Variants in CREB5 observed in about 807,000 individuals in gnomAD.
CREB5 encodes the protein cyclic AMP-responsive element-binding protein 5.
CREB5 carries 19 observed loss-of-function variants against 57.1 expected under a neutral mutation model. The ratio of observed to expected loss-of-function variants is 0.33; its 90% CI spans 0.23 to 0.49. The LOEUF (loss-of-function observed/expected upper bound fraction) is 0.49, where lower values mean the gene tolerates loss of function less well. Among genes scored for constraint, CREB5 ranks in the 20% least tolerant of loss-of-function variants. The pLI is 0.99. For missense variants in CREB5, 579 were observed against 671.6 expected, an observed-to-expected ratio of 0.86 and a Z score of 1.52; for synonymous variants, 238 against 238.3, an observed-to-expected ratio of 1.00 and a Z score of 0.01.
intron 5 of CREB5, chr7:28,686,050 T>G (rs1800880802): frequency 7.1e-7 from 1 of 1,401,908 alleles, no homozygotes; most frequent in African/African-American, 1.4e-5. Context: ...GGCCAGCACA[T>G]TACATCATCG....
chr7:28,574,852 A>G (rs1795844221), intron 5 of CREB5, among the ~76,000 whole-genome samples: 1 of 152,222 alleles, frequency 6.6e-6, no homozygotes, highest in South Asian at 2.1e-4. Flanking sequence ...CCCTGATTTT[A>G]CACCAATTTT....
At chr7:28,351,057 T>C (rs1040511698) in intron 1 of CREB5, among the ~76,000 whole-genome samples, 9 of 152,194 alleles carry the variant, frequency 5.9e-5, no homozygotes, top group South Asian at 4.1e-4. Context: ...TATGTAATGA[T>C]AGAAGTAAAT....
At chr7:28,690,493 C>A (rs1355420200) in intron 5 of CREB5, among the ~76,000 whole-genome samples, 1 of 152,202 alleles carries the variant, frequency 6.6e-6, no homozygotes, top group East Asian at 1.9e-4. Context: ...CTGAAAAGAG[C>A]ATGGCCTTTG....
chr7:28,390,332 ATTCTT>A (rs932264141), intron 1 of CREB5, among the ~76,000 whole-genome samples: 10 of 152,286 alleles, frequency 6.6e-5, no homozygotes, highest in African/African-American at 2.2e-4. Flanking sequence ...AAGGCACACA[ATTCTT>A]TACTGCACTA....
intron 1 of CREB5, among the ~76,000 whole-genome samples, chr7:28,373,676 T>C (rs1268954977): frequency 6.6e-6 from 1 of 151,952 alleles, no homozygotes; most frequent in Non-Finnish European, 1.5e-5. Context: ...TCCACCTGCC[T>C]TGGCCTCCCA....
At chr7:28,801,184 G>A (rs1808342231) in intron 7 of CREB5, among the ~76,000 whole-genome samples, 1 of 152,226 alleles carries the variant, frequency 6.6e-6, no homozygotes, top group African/African-American at 2.4e-5. Flanking sequence ...CAAAGCAAAT[G>A]TCTGAGGATA....
chr7:28,394,070 CAAAAAAAAAAAAAAAA>C lies in CREB5; in HGVS notation c.-25+94650_-25+94665del, dbSNP rs56166148. Among the ~76,000 whole-genome samples, 320 of 53,000 alleles carry C rather than the reference CAAAAAAAAAAAAAAAA, an allele frequency of 6.0e-3. 2 individuals are homozygous for C. Among genetic ancestry groups the C allele is most frequent in the Middle Eastern group, 0.012 (1 of 82 alleles). The allele number at this position is 53,000 out of a possible 152,430, so 34.8% of individuals were successfully genotyped here. A position where few individuals can be genotyped will look rare whatever the true frequency, so the allele number is the denominator to read the frequency against. On this transcript the variant is annotated intron_variant, in intron 1 of 9. Transcript: ENST00000396299. Reference sequence around the variant, plus strand: ...TGGGGGATGGAGCAAGACTCTGTCTCAAAAAAAAAAAAAAAAAAAAAAAAAAAAAAAAAAAAGTGGA... The same window carrying C: ...TGGGGGATGGAGCAAGACTCTGTCTCAAAAAAAAAAAAAAAAAAAAGTGGA...
intron 4 of CREB5, among the ~76,000 whole-genome samples, chr7:28,556,507 G>T (rs1016771981): frequency 6.6e-6 from 1 of 152,106 alleles, no homozygotes; most frequent in Non-Finnish European, 1.5e-5. Context: ...TCAATGCAAA[G>T]CCAGTTTATT....
At chr7:28,320,360 C>T (rs746897615) in intron 1 of CREB5, among the ~76,000 whole-genome samples, 32 of 152,050 alleles carry the variant, frequency 2.1e-4, no homozygotes, top group Non-Finnish European at 3.8e-4. Context: ...ATCTAGGGGC[C>T]GTTCAATGCC....
chr7:28,727,626 GT>G (rs1308196571), intron 7 of CREB5, among the ~76,000 whole-genome samples: 2 of 152,162 alleles, frequency 1.3e-5, no homozygotes, highest in Admixed American at 1.3e-4. Context: ...TTTGAAAGAG[GT>G]TTTTGTTTTT....
intron 7 of CREB5, among the ~76,000 whole-genome samples, chr7:28,737,685 G>A (rs892019301): frequency 6.6e-6 from 1 of 150,902 alleles, no homozygotes; most frequent in Non-Finnish European, 1.5e-5. Flanking sequence ...TCTCAGGAAG[G>A]AGAAAACTGA....
chr7:28,418,083 G>A (rs1788094290), intron 1 of CREB5, among the ~76,000 whole-genome samples: 1 of 152,082 alleles, frequency 6.6e-6, no homozygotes, highest in South Asian at 2.1e-4. Flanking sequence ...TAGTTGTTTG[G>A]GGAGGGAAAT....
chr7:28,822,306 G>C lies in CREB5; in HGVS notation c.*3027G>C, dbSNP rs1490965185. 1 of 152,294 alleles carries C rather than the reference G, an allele frequency of 6.6e-6. No homozygotes were observed. The highest frequency in any genetic ancestry group is 1.5e-5 in the Non-Finnish European group (1 of 68,034). 9.4% of individuals were successfully genotyped at this position (152,294 alleles called of 1,614,324 possible). ...GATACATTGGTCAAATCCAACACTTGGCTTATCAATATTAAGTCTTTTACC... is the reference window on the plus strand; with the variant it reads ...GATACATTGGTCAAATCCAACACTTCGCTTATCAATATTAAGTCTTTTACC... On this transcript the variant is annotated 3_prime_UTR_variant, in exon 11 of 11. Coordinates refer to ENST00000357727, the MANE Select transcript of CREB5 (RefSeq NM_182898.4).
At chr7:28,789,431 G>T (rs1807533962) in intron 7 of CREB5, among the ~76,000 whole-genome samples, 1 of 152,100 alleles carries the variant, frequency 6.6e-6, no homozygotes, top group African/African-American at 2.4e-5. Context: ...CATCCTCACT[G>T]GGGATGTCTT....
intron 5 of CREB5, among the ~76,000 whole-genome samples, chr7:28,625,444 C>CA (rs1253512365): frequency 2.6e-4 from 39 of 151,464 alleles, no homozygotes; most frequent in Admixed American, 1.8e-3. Context: ...GAAGGAACTC[C>CA]AAAAAAAAGG....
At chr7:28,317,269 G>A (rs1442417769) in intron 1 of CREB5, among the ~76,000 whole-genome samples, 1 of 152,176 alleles carries the variant, frequency 6.6e-6, no homozygotes, top group East Asian at 1.9e-4. Flanking sequence ...CTCTTCATCA[G>A]TGTGAAACCA....
intron 1 of CREB5, among the ~76,000 whole-genome samples, chr7:28,454,912 G>C (rs1026167497): frequency 7.9e-5 from 12 of 152,158 alleles, no homozygotes; most frequent in African/African-American, 2.2e-4. Flanking sequence ...GGATGCTGAA[G>C]TTGTGATTTT....
chr7:28,476,638 A>G (rs1228886638), intron 1 of CREB5, among the ~76,000 whole-genome samples: 1 of 152,226 alleles, frequency 6.6e-6, no homozygotes, highest in Non-Finnish European at 1.5e-5. Context: ...ACTAATCACG[A>G]TATTAGGTTT....
intron 5 of CREB5, among the ~76,000 whole-genome samples, chr7:28,654,998 C>T (rs1042615805): frequency 6.6e-6 from 1 of 152,086 alleles, no homozygotes; most frequent in Non-Finnish European, 1.5e-5. Context: ...GCAGCCTCGA[C>T]CTCCTGAGCT....
Sources: allele counts gnomAD v4.1 joint callset (sites outside exome capture counted in the v4.1 genomes callset), GRCh38; gene constraint gnomAD v4.1.1; transcripts MANE v1.5; gene names NCBI Gene and HGNC (gene_info 2026-07-23, HGNC 2026-07-21).